Variants in STAU2 observed in about 807,000 individuals in gnomAD.
STAU2 encodes staufen double-stranded RNA binding protein 2.
Under a neutral mutation model 65.9 loss-of-function variants are expected in STAU2, and 20 were observed. The observed-to-expected ratio is 0.30, with a 90% CI of 0.21 to 0.44. The LOEUF (loss-of-function observed/expected upper bound fraction) is 0.44. Ranked by LOEUF, STAU2 falls within the 20% of genes least tolerant of loss-of-function variation. STAU2 has a pLI of 1.00. For missense variants in STAU2, 558 were observed against 683.9 expected, an observed-to-expected ratio of 0.82 and a Z score of 2.05; for synonymous variants, 232 against 233.9, an observed-to-expected ratio of 0.99 and a Z score of 0.07.
chr8:73,729,403 A>G (rs10096844), intron 3 of STAU2, among the ~76,000 whole-genome samples: 41,975 of 152,144 alleles, frequency 0.28, 6,300 homozygotes, highest in East Asian at 0.45. Flanking sequence ...GTATCAGGGT[A>G]ATAATACTGG....
chr8:73,574,233 G>A (rs1215631793), intron 12 of STAU2, among the ~76,000 whole-genome samples: 7 of 152,114 alleles, frequency 4.6e-5, no homozygotes, highest in Non-Finnish European at 1.0e-4. Context: ...TTAGAATGGC[G>A]ATAATTAAAA....
chr8:73,428,380 T>C (rs1483014245), intron 13 of STAU2, among the ~76,000 whole-genome samples: 2 of 121,014 alleles, frequency 1.7e-5, no homozygotes, highest in East Asian at 4.1e-4. Context: ...AATGGACATT[T>C]AGGTTGATCC....
intron 9 of STAU2, among the ~76,000 whole-genome samples, chr8:73,606,367 C>T (rs1321224726): frequency 6.6e-6 from 1 of 151,708 alleles, no homozygotes; most frequent in Admixed American, 6.6e-5. Flanking sequence ...TATATAAAGA[C>T]CTCTAAAAAT....
chr8:73,605,160 T>C (rs1811915934), intron 9 of STAU2, among the ~76,000 whole-genome samples: 1 of 151,832 alleles, frequency 6.6e-6, no homozygotes, highest in South Asian at 2.1e-4. Context: ...CAGAATAATA[T>C]ATATATAGTA....
At chr8:73,585,535 G>C (rs1810304540) in intron 11 of STAU2, among the ~76,000 whole-genome samples, 1 of 152,218 alleles carries the variant, frequency 6.6e-6, no homozygotes, top group Non-Finnish European at 1.5e-5. Context: ...ATTTTCATCT[G>C]AGAGCTATGC....
intron 6 of STAU2, among the ~76,000 whole-genome samples, chr8:73,668,322 T>C (rs1405013150): frequency 6.6e-6 from 1 of 152,180 alleles, no homozygotes; most frequent in East Asian, 1.9e-4. Flanking sequence ...ACTATGCCTG[T>C]ACATCTCCCC....
intron 13 of STAU2, among the ~76,000 whole-genome samples, chr8:73,432,229 T>C (rs1478176383): frequency 2.0e-5 from 3 of 152,234 alleles, no homozygotes; most frequent in African/African-American, 7.2e-5. Context: ...TCCTGGGAGC[T>C]GATCTAACTG....
At chr8:73,649,801 A>T (rs986328794) in intron 6 of STAU2, among the ~76,000 whole-genome samples, 1 of 148,634 alleles carries the variant, frequency 6.7e-6, no homozygotes, top group Non-Finnish European at 1.5e-5. Context: ...CTTTGAGAGC[A>T]CACTACTCAA....
At chr8:73,498,271 A>G (rs1420742628) in intron 13 of STAU2, among the ~76,000 whole-genome samples, 1 of 151,836 alleles carries the variant, frequency 6.6e-6, no homozygotes, top group African/African-American at 2.4e-5. Flanking sequence ...GGCAAAGGCA[A>G]AGAAACTCTA....
chr8:73,506,559 T>C (rs1822077979), intron 13 of STAU2, among the ~76,000 whole-genome samples: 1 of 152,222 alleles, frequency 6.6e-6, no homozygotes, highest in African/African-American at 2.4e-5. Flanking sequence ...AACAATCATC[T>C]GAGTCTTCAG....
chr8:73,673,376 G>A (rs1255376931), intron 5 of STAU2, 134 bp from the exon 6 acceptor site: 2 of 938,240 alleles, frequency 2.1e-6, no homozygotes, highest in Non-Finnish European at 2.8e-6. Context: ...GATTTTCTAA[G>A]GAACTGCGAA....
At chr8:73,495,185 C>T (rs904927787) in intron 13 of STAU2, among the ~76,000 whole-genome samples, 29 of 151,450 alleles carry the variant, frequency 1.9e-4, no homozygotes, top group Middle Eastern at 3.4e-3. Context: ...GGGTGTAATG[C>T]AAAAATATCA....
At chr8:73,551,645 A>G (rs1807342212) in intron 13 of STAU2, 7 of 997,264 alleles carry the variant, frequency 7.0e-6, no homozygotes, top group Non-Finnish European at 8.4e-6. Context: ...GGGAGAACTG[A>G]GTGTGAAATA....
intron 6 of STAU2, among the ~76,000 whole-genome samples, chr8:73,670,980 T>C (rs1817629581): frequency 6.6e-6 from 1 of 151,970 alleles, no homozygotes; most frequent in African/African-American, 2.4e-5. Flanking sequence ...CAAAATAGAC[T>C]GAAGGTTAAC....
At chr8:73,736,919 C>T (rs887935155) in intron 3 of STAU2, among the ~76,000 whole-genome samples, 1 of 152,198 alleles carries the variant, frequency 6.6e-6, no homozygotes, top group African/African-American at 2.4e-5. Flanking sequence ...GGCTGGAGTG[C>T]AGTGGTGTGA....
Position 73,739,029 on chromosome 8 carries a change from C to G in STAU2, c.-83-680G>C, listed in dbSNP as rs184050306. Among the ~76,000 whole-genome samples the G allele has an allele frequency of 4.6e-3, 701 of 152,068 alleles. 8 individuals are homozygous for G. The highest frequency in any genetic ancestry group is 5.4e-3 in the Non-Finnish European group (368 of 67,978). On this transcript the variant is annotated intron_variant, in intron 2 of 14. Coordinates refer to ENST00000524300, the MANE Select transcript of STAU2 (RefSeq NM_001164380.2). ...GGTGGATCATTTGAGTTCAGGAGTT[C>G]GGGACCAGCCTGGCCAACATGGTGA...
At chr8:73,688,922 G>A in intron 4 of STAU2, 109 bp from the exon 5 acceptor site, 1 of 1,310,332 alleles carries the variant, frequency 7.6e-7, no homozygotes, top group South Asian at 1.4e-5. Flanking sequence ...TAGAGCTAGA[G>A]GTGACCTTAC....
At chr8:73,700,932 C>A (rs1340426244) in intron 4 of STAU2, among the ~76,000 whole-genome samples, 1 of 151,928 alleles carries the variant, frequency 6.6e-6, no homozygotes, top group African/African-American at 2.4e-5. Flanking sequence ...ACACACAGAC[C>A]AATGGAACAG....
At chr8:73,428,707 A>C (rs1198596251) in intron 13 of STAU2, among the ~76,000 whole-genome samples, 1 of 152,192 alleles carries the variant, frequency 6.6e-6, no homozygotes, top group East Asian at 1.9e-4. Context: ...CACTAGGTAC[A>C]CTGGGAATAC....
Sources: gnomAD v4.1 joint callset for allele counts (sites outside exome capture counted in the v4.1 genomes callset) on GRCh38, gnomAD v4.1.1 for gene constraint, MANE v1.5 for transcripts, NCBI Gene and HGNC (gene_info 2026-07-23, HGNC 2026-07-21) for gene names.